The following ATP2C2 variants were observed in gnomAD, a reference collection of about 807,000 sequenced individuals.
ATP2C2 encodes the protein calcium-transporting ATPase type 2C member 2.
Under a neutral mutation model 110.8 loss-of-function variants are expected in ATP2C2, and 171 were observed. The ratio of observed to expected loss-of-function variants is 1.54; its 90% confidence interval spans 1.36 to 1.75. The LOEUF (loss-of-function observed/expected upper bound fraction) is 1.75, where lower values mean the gene tolerates loss of function less well. Ranked by LOEUF, ATP2C2 falls within the 40% of genes most tolerant of loss-of-function variation. The pLI, the probability that ATP2C2 is intolerant of heterozygous loss-of-function variation, is 0.00. For missense variants in ATP2C2, 1,963 were observed against 1,235.0 expected, an observed-to-expected ratio of 1.59 and a Z score of -8.84; for synonymous variants, 804 against 508.4, an observed-to-expected ratio of 1.58 and a Z score of -7.82.
At chr16:84,405,615 T>C (rs1183532460) in intron 3 of ATP2C2, among the ~76,000 whole-genome samples, 1 of 152,160 alleles carries the variant, frequency 6.6e-6, no homozygotes, top group Non-Finnish European at 1.5e-5. Context: ...CAATATAGGA[T>C]GCCCTGTTAA....
chr16:84,373,523 G>C (rs1474485224), intron 1 of ATP2C2, among the ~76,000 whole-genome samples: 1 of 152,046 alleles, frequency 6.6e-6, no homozygotes, highest in Non-Finnish European at 1.5e-5. Flanking sequence ...CAAAAAAAGA[G>C]ACTGGAAACC....
intron 11 of ATP2C2, among the ~76,000 whole-genome samples, chr16:84,432,460 T>C (rs1347403770): frequency 2.0e-5 from 3 of 151,742 alleles, no homozygotes; most frequent in African/African-American, 4.8e-5. Flanking sequence ...GGTGTGGATG[T>C]CCCCCTCCCT....
intron 1 of ATP2C2, among the ~76,000 whole-genome samples, chr16:84,373,819 A>C (rs185949923): frequency 6.6e-6 from 1 of 152,216 alleles, no homozygotes; most frequent in African/African-American, 2.4e-5. Context: ...GTTTTCATTC[A>C]TCGTAAGTTC....
chr16:84,416,132 C>T (rs1465413744), intron 7 of ATP2C2, among the ~76,000 whole-genome samples: 1 of 152,182 alleles, frequency 6.6e-6, no homozygotes, highest in Non-Finnish European at 1.5e-5. Context: ...CGAGACCACG[C>T]CACTGCACTC....
At chr16:84,400,517 C>T (rs574472536) in intron 2 of ATP2C2, among the ~76,000 whole-genome samples, 16 of 152,026 alleles carry the variant, frequency 1.1e-4, no homozygotes, top group East Asian at 1.9e-4. Context: ...TTAGTAGAGA[C>T]GGGGTTTCAC....
In ATP2C2 at chr16:84,440,898, T is replaced by G; in HGVS notation, c.1251T>G (p.Leu417=). The G allele has an allele frequency of 6.2e-7, 1 of 1,613,742 alleles. No individual in the cohort carries two copies. The highest frequency in any genetic ancestry group is 8.5e-7 in the Non-Finnish European group (1 of 1,179,996). Residue 417 remains leucine, a synonymous_variant, in exon 14 of 27, where the codon CTT becomes CTG. Coordinates refer to ENST00000262429, the MANE Select transcript of ATP2C2 (RefSeq NM_014861.4). ...ATGACGGTCAAGGGACTGTGTGTCT[T>G]CTACCATCCAAGGAAGTCATTAAGG... The part of the protein sequence containing the change: ...VGYDGQGTVC[L]LPSKEVIKEF...
At chr16:84,372,246 A>G (rs1909994950) in intron 1 of ATP2C2, among the ~76,000 whole-genome samples, 1 of 152,178 alleles carries the variant, frequency 6.6e-6, no homozygotes, top group South Asian at 2.1e-4. Flanking sequence ...CTGTGATAAA[A>G]CAGGCACAGT....
intron 11 of ATP2C2, among the ~76,000 whole-genome samples, chr16:84,434,657 T>G (rs1908584346): frequency 2.0e-5 from 3 of 151,814 alleles, no homozygotes; most frequent in Non-Finnish European, 4.4e-5. Context: ...TAGCTGGGAC[T>G]ACAGGTGCTC....
At position 84,444,357 on chromosome 16, in the gene ATP2C2, C is replaced by G. The variant is rs757905324; in HGVS notation, c.1401+1758C>G. ...GCATGGTGGTGCACACCTGTAATCCCAGCTACTCGGGAGGCTGAGGCAGGA... is the reference window on the plus strand; with the variant it reads ...GCATGGTGGTGCACACCTGTAATCCGAGCTACTCGGGAGGCTGAGGCAGGA... On this transcript the variant is annotated intron_variant, in intron 15 of 26. Coordinates refer to ENST00000262429, the MANE Select transcript of ATP2C2 (RefSeq NM_014861.4). 6.8e-4 allele frequency among the ~76,000 whole-genome samples: 104 copies of G among 151,982 alleles called. 2 individuals carry two copies. The highest frequency in any genetic ancestry group is 1.4e-3 in the Non-Finnish European group (98 of 67,990).
chr16:84,454,028 G>T (rs1200906101), intron 20 of ATP2C2, among the ~76,000 whole-genome samples: 2 of 152,120 alleles, frequency 1.3e-5, no homozygotes, highest in Non-Finnish European at 2.9e-5. Flanking sequence ...TTTAGTAGAG[G>T]CAGGGTTTCG....
chr16:84,419,450 CGGTCACGCAGACCA>C (rs1567710684), intron 7 of ATP2C2, among the ~76,000 whole-genome samples: 3 of 152,104 alleles, frequency 2.0e-5, no homozygotes, highest in Non-Finnish European at 4.4e-5. Context: ...GGGCCCACCC[CGGTCACGCAGACCA>C]TATTCTCCCC....
chr16:84,419,975 T>G (rs932373367), intron 7 of ATP2C2, among the ~76,000 whole-genome samples: 1 of 152,172 alleles, frequency 6.6e-6, no homozygotes, highest in East Asian at 1.9e-4. Context: ...AACAGCCGTT[T>G]TAGGCAAAGG....
At chr16:84,410,478 A>G (rs1265821010) in intron 4 of ATP2C2, 90 bp from the exon 5 acceptor site, 19 of 1,403,336 alleles carry the variant, frequency 1.4e-5, no homozygotes, top group Middle Eastern at 2.4e-4. Context: ...AAGGAAATCA[A>G]TCATTAAAGA....
At chr16:84,378,602 T>C (rs529789438) in intron 1 of ATP2C2, among the ~76,000 whole-genome samples, 14 of 152,374 alleles carry the variant, frequency 9.2e-5, no homozygotes, top group African/African-American at 3.1e-4. Flanking sequence ...CAATGCCTTG[T>C]TCACAAGATG....
At chr16:84,450,044 G>T (rs565167335) in intron 17 of ATP2C2, among the ~76,000 whole-genome samples, 1 of 152,382 alleles carries the variant, frequency 6.6e-6, no homozygotes, top group Admixed American at 6.5e-5. Context: ...GATGTCTGCT[G>T]CGGAGCGTAA....
chr16:84,423,193 TA>T lies in ATP2C2; in HGVS notation c.853del (p.Thr285LeufsTer10). On this transcript the variant is annotated frameshift_variant, in exon 10 of 27. Transcript: ENST00000262429. LOFTEE classifies it high-confidence loss of function. ...CATTGTGCTCACCCTTTCAGACACC[TA>T]AAACTCCTTTGCAGAAAAGCATGGA... Reference protein sequence around the residue: ...FKMMQAEETPKTPLQKSMDRL... With the variant: ...FKMMQAEETPXTPLQKSMDRL... The T allele has an allele frequency of 6.2e-7, 1 of 1,614,028 alleles. No homozygotes were observed. The highest frequency in any genetic ancestry group is 1.1e-5 in the South Asian group (1 of 91,072).
intron 18 of ATP2C2, among the ~76,000 whole-genome samples, chr16:84,452,352 C>T (rs113508598): frequency 2.0e-5 from 3 of 152,166 alleles, no homozygotes; most frequent in East Asian, 1.9e-4. Context: ...GCTTTTCATC[C>T]GCTGTCTTCA....
Position 84,464,082 on chromosome 16 carries a change from C to T in ATP2C2, c.*350C>T, listed in dbSNP as rs2241632. ...GCAGATACAAGGGGCTCCTGAGAGGCAGTGGGTAGGATGGTCACACTCTGC... is the reference window on the plus strand; with the variant it reads ...GCAGATACAAGGGGCTCCTGAGAGGTAGTGGGTAGGATGGTCACACTCTGC... On this transcript the variant is annotated 3_prime_UTR_variant, in exon 27 of 27. Coordinates refer to ENST00000262429, the MANE Select transcript of ATP2C2 (RefSeq NM_014861.4). 13,464 of 194,662 alleles carry T rather than the reference C, an allele frequency of 0.069. 687 individuals are homozygous for T. The highest frequency in any genetic ancestry group is 0.15 in the East Asian group (1,183 of 7,798). 12.1% of individuals were successfully genotyped at this position (194,662 alleles called of 1,614,324 possible).
chr16:84,437,153 A>C (rs530349892), intron 11 of ATP2C2, among the ~76,000 whole-genome samples: 1 of 152,166 alleles, frequency 6.6e-6, no homozygotes, highest in Non-Finnish European at 1.5e-5. Flanking sequence ...TAGTGTATTC[A>C]GAGATATACA....
Sources: gnomAD v4.1 joint callset for allele counts (sites outside exome capture counted in the v4.1 genomes callset) on GRCh38, gnomAD v4.1.1 for gene constraint, MANE v1.5 for transcripts, NCBI Gene and HGNC (gene_info 2026-07-23, HGNC 2026-07-21) for gene names.